The following CEP135 variants were observed in gnomAD, a reference collection of about 807,000 sequenced individuals.
CEP135 encodes the protein centrosomal protein of 135 kDa.
In CEP135, 142 loss-of-function variants were observed where a neutral mutation model predicts 157.3. That is an observed-to-expected ratio of 0.90 (90% CI 0.79 to 1.04). The LOEUF (loss-of-function observed/expected upper bound fraction) is 1.04. Ranked by LOEUF, CEP135 falls within the 50% of genes least tolerant of loss-of-function variation. The pLI is 0.00. For synonymous variants in CEP135, 396 were observed against 439.8 expected (o/e 0.90, Z 1.25); for missense variants, 1,317 against 1,309.2 (o/e 1.01, Z -0.09).
intron 13 of CEP135, 127 bp from the exon 14 acceptor site, chr4:55,985,154 A>T (rs927544794): frequency 4.2e-6 from 2 of 475,268 alleles, no homozygotes; most frequent in Non-Finnish European, 7.7e-6. Context: ...TTTCTTTCTA[A>T]AACATTTCTG....
chr4:56,011,827 A>C lies in CEP135; in HGVS notation c.2644A>C (p.Arg882=), dbSNP rs1159139163. Residue 882 remains arginine (R), a synonymous_variant, in exon 21 of 26, where the codon AGA becomes CGA. Coordinates refer to ENST00000257287, the MANE Select transcript of CEP135 (RefSeq NM_025009.5). ...AAAAGAAAATCAAGATTTGTTAGAT[A>C]GATTTCAGATGCTTCATAACCGTGC... is the stretch of plus-strand genomic sequence containing the variant. ...KEKENQDLLD[R]FQMLHNRAED... 2 of 1,575,304 alleles carry C rather than the reference A, an allele frequency of 1.3e-6. No homozygotes were observed. Among genetic ancestry groups the C allele is most frequent in the African/African-American group, 1.4e-5 (1 of 72,254 alleles).
chr4:55,980,258 C>G lies in CEP135; in HGVS notation c.1589C>G (p.Thr530Arg). Residue 530 changes from threonine (T) to arginine (R), a missense_variant, in exon 12 of 26, where the codon ACA (threonine) becomes AGA (arginine). Transcript: ENST00000257287. Reference sequence around the variant, plus strand: ...ATACAGTCCAATGTTAAATTATTGACAGCAGAAAGAGATAAACTAAGTGTC... The same window carrying G: ...ATACAGTCCAATGTTAAATTATTGAGAGCAGAAAGAGATAAACTAAGTGTC... The part of the protein sequence containing the change: ...EDIQSNVKLL[T>R]AERDKLSVLY... 6.4e-7 allele frequency: 1 copy of G among 1,553,040 alleles called. No homozygotes were observed.
intron 21 of CEP135, among the ~76,000 whole-genome samples, chr4:56,015,240 G>A (rs1730732599): frequency 1.3e-5 from 2 of 152,236 alleles, no homozygotes; most frequent in East Asian, 1.9e-4. Context: ...TGAAAAGAAG[G>A]AAGGTTGTTG....
chr4:55,971,196 TA>T, intron 9 of CEP135, 73 bp from the exon 10 acceptor site: 4 of 1,196,240 alleles, frequency 3.3e-6, no homozygotes, highest in Non-Finnish European at 4.6e-6. Flanking sequence ...AATGTGCTTA[TA>T]AAAATCTATC....
At chr4:55,956,701 C>T (rs1163305360) in intron 4 of CEP135, among the ~76,000 whole-genome samples, 1 of 152,086 alleles carries the variant, frequency 6.6e-6, no homozygotes, top group East Asian at 1.9e-4. Flanking sequence ...ACCTCGGCCT[C>T]CCGGGTTCAA....
intron 14 of CEP135, among the ~76,000 whole-genome samples, chr4:55,988,978 A>C (rs562521038): frequency 3.8e-4 from 58 of 152,026 alleles, no homozygotes; most frequent in Middle Eastern, 3.4e-3. Flanking sequence ...AAAAAAAAAA[A>C]AACATAATAA....
chr4:55,985,037 C>G (rs1245661753), intron 13 of CEP135, among the ~76,000 whole-genome samples: 3 of 152,226 alleles, frequency 2.0e-5, no homozygotes, highest in Non-Finnish European at 4.4e-5. Flanking sequence ...CCTTACTAAT[C>G]TATGTCTTCT....
Position 55,981,344 on chromosome 4 carries a change from A to G in CEP135, c.1744A>G (p.Met582Val), listed in dbSNP as rs144041768. The change falls in exon 13 of 26, where the codon ATG becomes GTG. Residue 582 changes from methionine (M) to valine (V), a missense_variant. By Grantham distance (21) the Met-to-Val change is conservative (BLOSUM62 1). Transcript: ENST00000257287. ...ELALSDLRRI[M>V]AEKEALREKL... ...TGCGTTATCTGACTTAAGAAGAATT[A>G]TGGCAGAAAAGGAAGCTTTAAGAGA... 1.1e-3 allele frequency: 1,702 copies of G among 1,585,744 alleles called. 1 individual carries two copies. The highest frequency in any genetic ancestry group is 1.4e-3 in the Non-Finnish European group (1,668 of 1,172,126).
At chr4:56,023,231 AAG>A (rs1053522814) in intron 24 of CEP135, among the ~76,000 whole-genome samples, 1 of 151,976 alleles carries the variant, frequency 6.6e-6, no homozygotes, top group Non-Finnish European at 1.5e-5. Context: ...CAAAAAAAAA[AAG>A]AGAGAATTAG....
At chr4:55,960,076 C>T in intron 6 of CEP135, 1 of 457,724 alleles carries the variant, frequency 2.2e-6, no homozygotes, top group Non-Finnish European at 3.8e-6. Context: ...CTTCACTATT[C>T]ATTGAGGTGA....
chr4:55,981,777 A>C (rs1470733437), intron 13 of CEP135, among the ~76,000 whole-genome samples: 1 of 152,152 alleles, frequency 6.6e-6, no homozygotes, highest in Non-Finnish European at 1.5e-5. Context: ...AAAGTATACC[A>C]TTTCATTGGT....
intron 10 of CEP135, among the ~76,000 whole-genome samples, chr4:55,973,594 A>G (rs1228682197): frequency 1.3e-5 from 2 of 152,152 alleles, no homozygotes; most frequent in African/African-American, 4.8e-5. Flanking sequence ...AACCTTACAA[A>G]TTAATGATCT....
intron 8 of CEP135, chr4:55,966,107 G>A: frequency 2.6e-6 from 1 of 383,882 alleles, no homozygotes; most frequent in Admixed American, 4.5e-5. Context: ...CCAAACTCTA[G>A]TCTGTTTTCC....
At chr4:55,959,150 T>C (rs2109647403) in intron 5 of CEP135, among the ~76,000 whole-genome samples, 1 of 152,344 alleles carries the variant, frequency 6.6e-6, no homozygotes, top group South Asian at 2.1e-4. Flanking sequence ...GGATTAATTA[T>C]GTCATAATGT....
intron 24 of CEP135, among the ~76,000 whole-genome samples, chr4:56,023,673 T>C (rs1731046097): frequency 7.2e-6 from 1 of 138,002 alleles, no homozygotes; most frequent in Non-Finnish European, 1.6e-5. Flanking sequence ...TATACTAATA[T>C]AATATATATC....
intron 17 of CEP135, 146 bp from the exon 18 acceptor site, chr4:56,008,181 T>C: frequency 1.7e-6 from 1 of 586,952 alleles, no homozygotes. Context: ...GATTGGGACA[T>C]GGAGATATGT....
At chr4:55,967,951 C>G (rs1728894613) in intron 8 of CEP135, among the ~76,000 whole-genome samples, 1 of 152,158 alleles carries the variant, frequency 6.6e-6, no homozygotes, top group Non-Finnish European at 1.5e-5. Context: ...AAAAGGCATA[C>G]AAATTGCAAA....
intron 21 of CEP135, among the ~76,000 whole-genome samples, chr4:56,017,116 TATC>T (rs547532829): frequency 2.6e-5 from 4 of 152,206 alleles, no homozygotes; most frequent in South Asian, 2.1e-4. Context: ...AAAAAAAATT[TATC>T]ATTATTTGAA....
At chr4:55,992,166 G>C in intron 15 of CEP135, 81 bp downstream of exon 15, 1 of 1,378,350 alleles carries the variant, frequency 7.3e-7, no homozygotes. Flanking sequence ...TGGCATTTTG[G>C]ACTGGGCCTT....
Sources: gnomAD v4.1 joint callset for allele counts (sites outside exome capture counted in the v4.1 genomes callset) on GRCh38, gnomAD v4.1.1 for gene constraint, MANE v1.5 for transcripts, NCBI Gene and HGNC (gene_info 2026-07-23, HGNC 2026-07-21) for gene names.